The following CNTN4 variants were observed in gnomAD, a reference collection of about 807,000 sequenced individuals.
CNTN4 encodes contactin 4.
Under a neutral mutation model 122.5 loss-of-function variants are expected in CNTN4, and 77 were observed. The ratio of observed to expected loss-of-function variants is 0.63; its 90% CI spans 0.52 to 0.76. CNTN4 has a LOEUF of 0.76. Among genes scored for constraint, CNTN4 ranks in the 30% least tolerant of loss-of-function variants. CNTN4 has a pLI of 0.00. For missense variants in CNTN4, 1,256 were observed against 1,259.1 expected (o/e 1.00, Z 0.04); for synonymous variants, 512 against 447.0 (o/e 1.15, Z -1.83).
chr3:2,584,697 C>CAAAAA (rs67755648), intron 4 of CNTN4, among the ~76,000 whole-genome samples: 2 of 73,112 alleles, frequency 2.7e-5, no homozygotes, highest in South Asian at 5.2e-4. Flanking sequence ...AACTCCGTCT[C>CAAAAA]AAAAAAAAAA....
chr3:2,613,701 C>G (rs757767111), intron 4 of CNTN4, among the ~76,000 whole-genome samples: 5 of 152,072 alleles, frequency 3.3e-5, no homozygotes, highest in Non-Finnish European at 5.9e-5. Context: ...ACTCTAATAT[C>G]AATATTAGCC....
chr3:2,128,616 G>T (rs990480133), intron 2 of CNTN4, among the ~76,000 whole-genome samples: 1 of 152,208 alleles, frequency 6.6e-6, no homozygotes, highest in African/African-American at 2.4e-5. Flanking sequence ...GAGGAAGTCA[G>T]TTTGGATGAT....
chr3:2,797,188 C>T (rs1914014), intron 6 of CNTN4, among the ~76,000 whole-genome samples: 15,350 of 152,056 alleles, frequency 0.1, 1,091 homozygotes, highest in African/African-American at 0.2. Context: ...TTTTGTCAAG[C>T]TGGGGTCTCA....
chr3:2,350,010 C>T (rs1283464804), intron 3 of CNTN4, among the ~76,000 whole-genome samples: 1 of 152,104 alleles, frequency 6.6e-6, no homozygotes, highest in Non-Finnish European at 1.5e-5. Context: ...CCACCCTTGC[C>T]GTTAAGATCT....
intron 7 of CNTN4, among the ~76,000 whole-genome samples, chr3:2,862,147 G>A (rs960251683): frequency 6.6e-6 from 1 of 152,156 alleles, no homozygotes; most frequent in Admixed American, 6.6e-5. Context: ...GGTTAAGAAA[G>A]GCATCTTTGA....
intron 2 of CNTN4, among the ~76,000 whole-genome samples, chr3:2,218,847 A>G (rs888175243): frequency 6.6e-6 from 1 of 152,210 alleles, no homozygotes; most frequent in Non-Finnish European, 1.5e-5. Context: ...TTCCTAGAGC[A>G]ATTCCAATTT....
At chr3:2,250,968 C>G (rs2040355363) in intron 2 of CNTN4, among the ~76,000 whole-genome samples, 2 of 151,778 alleles carry the variant, frequency 1.3e-5, no homozygotes, top group African/African-American at 4.8e-5. Context: ...ATGCATAAGT[C>G]TGAGTAAGAG....
chr3:3,041,861 G>A (rs1489045898), intron 20 of CNTN4, among the ~76,000 whole-genome samples: 1 of 152,198 alleles, frequency 6.6e-6, no homozygotes, highest in East Asian at 1.9e-4. Context: ...TTGGGAGGCT[G>A]AGGCGGGAGG....
chr3:2,894,907 C>T (rs1400571009), intron 10 of CNTN4, among the ~76,000 whole-genome samples: 2 of 152,172 alleles, frequency 1.3e-5, no homozygotes, highest in Non-Finnish European at 2.9e-5. Context: ...GACCCTTATT[C>T]ACCAAGAGCT....
At chr3:2,810,352 A>C (rs192499216) in intron 6 of CNTN4, among the ~76,000 whole-genome samples, 10 of 152,226 alleles carry the variant, frequency 6.6e-5, no homozygotes, top group Non-Finnish European at 1.2e-4. Flanking sequence ...AAATTGCCAA[A>C]GTTAAGAAGC....
At chr3:2,752,769 C>G (rs1027443543) in intron 6 of CNTN4, among the ~76,000 whole-genome samples, 4 of 152,146 alleles carry the variant, frequency 2.6e-5, no homozygotes, top group African/African-American at 9.7e-5. Flanking sequence ...TTCTTCCTCC[C>G]TTCCCCACCT....
In CNTN4 at chr3:2,426,940, G is replaced by A. The variant is rs188092792; in HGVS notation, c.-89+87707G>A. On this transcript the variant is annotated intron_variant, in intron 3 of 24. Coordinates refer to ENST00000418658, the MANE Select transcript of CNTN4 (RefSeq NM_175607.3). ...TATCCCCTTTATCTTTTTTTATTAC[G>A]TCTATTTGATTCTTCTCTCTTTTCT... Among the ~76,000 whole-genome samples the A allele has an allele frequency of 1.6e-3, 242 of 151,766 alleles. No individual in the cohort carries two copies. The Middle Eastern group carries it at 0.027, about 17-fold the overall frequency.
chr3:2,736,773 T>TATTA (rs35884357), intron 5 of CNTN4, among the ~76,000 whole-genome samples: 4 of 136,778 alleles, frequency 2.9e-5, no homozygotes, highest in African/African-American at 1.1e-4. Context: ...CAAGAGCTTT[T>TATTA]ATTTATTTAT....
At chr3:2,830,083 T>C (rs568662450) in intron 7 of CNTN4, among the ~76,000 whole-genome samples, 1 of 152,224 alleles carries the variant, frequency 6.6e-6, no homozygotes, top group Non-Finnish European at 1.5e-5. Context: ...AAATTCTTTT[T>C]CTGTCTCCTT....
intron 6 of CNTN4, among the ~76,000 whole-genome samples, chr3:2,814,869 C>T (rs569327667): frequency 2.0e-5 from 3 of 152,284 alleles, no homozygotes; most frequent in African/African-American, 7.2e-5. Flanking sequence ...TCAATGAGAT[C>T]AAATAAGAAA....
At chr3:3,021,837 T>C (rs954716944) in intron 14 of CNTN4, among the ~76,000 whole-genome samples, 1 of 152,136 alleles carries the variant, frequency 6.6e-6, no homozygotes, top group Non-Finnish European at 1.5e-5. Flanking sequence ...CCCAGCACTT[T>C]GGGAGGCCAA....
At chr3:2,863,093 T>C (rs528447602) in intron 7 of CNTN4, among the ~76,000 whole-genome samples, 1 of 152,354 alleles carries the variant, frequency 6.6e-6, no homozygotes, top group African/African-American at 2.4e-5. Flanking sequence ...GGGTATGTTT[T>C]AGTTGTACTA....
chr3:2,574,862 C>G (rs1181188915), intron 4 of CNTN4, among the ~76,000 whole-genome samples: 1 of 151,892 alleles, frequency 6.6e-6, no homozygotes, highest in Non-Finnish European at 1.5e-5. Flanking sequence ...AATCTACAAA[C>G]TCCTAATTCT....
chr3:2,829,101 T>C (rs143557280), intron 7 of CNTN4, among the ~76,000 whole-genome samples: 17 of 152,336 alleles, frequency 1.1e-4, no homozygotes, highest in Admixed American at 2.6e-4. Context: ...CTTTGAAAGA[T>C]ATGAACTTGG....
Sources: gnomAD v4.1 joint callset for allele counts (sites outside exome capture counted in the v4.1 genomes callset) on GRCh38, gnomAD v4.1.1 for gene constraint, MANE v1.5 for transcripts, NCBI Gene and HGNC (gene_info 2026-07-23, HGNC 2026-07-21) for gene names.